TRPA1: variants seen among roughly 807,000 people sequenced by gnomAD.
TRPA1 encodes the protein transient receptor potential cation channel subfamily A member 1.
A neutral mutation model predicts 131.3 loss-of-function variants in TRPA1; 129 were observed. The ratio of observed to expected loss-of-function variants is 0.98; its 90% CI spans 0.85 to 1.14. The LOEUF is 1.14. TRPA1 is among the 50% of genes most tolerant of loss of function. TRPA1 has a pLI of 0.00. For missense variants in TRPA1, 1,304 were observed against 1,354.2 expected (o/e 0.96, Z 0.58); for synonymous variants, 441 against 451.7 (o/e 0.98, Z 0.30).
rs1806067396 is a variant in TRPA1 at position 72,071,772 on chromosome 8, A to G, written c.207T>C (p.Tyr69=). ...CDDMDTFFLH[Y]AAAEGQIELM... is the part of the protein sequence containing the mutation. ...GCTCAATTTGGCCTTCTGCTGCAGC[A>G]TAATGCAAGAAGAAGGTGTCCATAT... Residue 69 remains tyrosine (Y), a synonymous_variant, in exon 2 of 27, where the codon TAT becomes TAC. Transcript: ENST00000262209. 6.2e-6 allele frequency: 10 copies of G among 1,613,754 alleles called. No individual in the cohort carries two copies. Among genetic ancestry groups the G allele is most frequent in the Non-Finnish European group, 5.9e-6 (7 of 1,179,842 alleles).
At chr8:72,036,789 G>A (rs1304959494) in intron 20 of TRPA1, among the ~76,000 whole-genome samples, 2 of 152,120 alleles carry the variant, frequency 1.3e-5, no homozygotes, top group Non-Finnish European at 2.9e-5. Context: ...GTAATTCCTG[G>A]GGCCTTTCTA....
At chr8:72,026,108 T>G (rs535175398) in intron 24 of TRPA1, 35 bp from the exon 25 acceptor site, 1 of 1,529,450 alleles carries the variant, frequency 6.5e-7, no homozygotes, top group Non-Finnish European at 9.1e-7. Context: ...ATAGAATCAT[T>G]AGTTAGTATA....
intron 7 of TRPA1, among the ~76,000 whole-genome samples, chr8:72,059,860 T>C (rs1805766378): frequency 6.6e-6 from 1 of 152,180 alleles, no homozygotes; most frequent in Non-Finnish European, 1.5e-5. Context: ...GGGGGGCTTC[T>C]CTTTGGCAAA....
At position 72,022,136 on chromosome 8, in the gene TRPA1, A is replaced by C. The variant is rs1811415001; in HGVS notation, c.*770T>G. ...AGTAGACATCAAAAGAAAAAAGGGA[A>C]TATGTGATGGAGCCATGTTGTTTTC... On this transcript the variant is annotated 3_prime_UTR_variant, in exon 27 of 27. Coordinates refer to ENST00000262209, the MANE Select transcript of TRPA1 (RefSeq NM_007332.3). 1 of 152,244 alleles carries C rather than the reference A, an allele frequency of 6.6e-6. No homozygotes were observed. The highest frequency in any genetic ancestry group is 2.4e-5 in the African/African-American group (1 of 41,418). 9.4% of individuals were successfully genotyped at this position (152,244 alleles called of 1,614,324 possible).
At chr8:72,057,568 TG>T (rs1805700367) in intron 9 of TRPA1, 148 bp downstream of exon 9, 4 of 714,446 alleles carry the variant, frequency 5.6e-6, no homozygotes, top group Non-Finnish European at 1.0e-5. Flanking sequence ...AAAACTGTTC[TG>T]TTTATTTTTA....
intron 15 of TRPA1, 81 bp from the exon 16 acceptor site, chr8:72,047,288 T>C: frequency 2.0e-6 from 2 of 1,023,326 alleles, no homozygotes; most frequent in South Asian, 2.6e-5. Flanking sequence ...TCTGAAATAA[T>C]ACACAAGACA....
chr8:72,031,376 C>T (rs1315374402), intron 23 of TRPA1, among the ~76,000 whole-genome samples: 1 of 151,364 alleles, frequency 6.6e-6, no homozygotes, highest in Non-Finnish European at 1.5e-5. Context: ...CCTAGGAGTT[C>T]CAGACCAGCC....
At chr8:72,071,371 A>G (rs925818234) in intron 2 of TRPA1, among the ~76,000 whole-genome samples, 24 of 152,298 alleles carry the variant, frequency 1.6e-4, no homozygotes, top group African/African-American at 5.5e-4. Flanking sequence ...TTGAGGTGTC[A>G]ATTTTATTTA....
intron 24 of TRPA1, among the ~76,000 whole-genome samples, chr8:72,027,100 T>C (rs887653874): frequency 6.6e-6 from 1 of 152,196 alleles, no homozygotes; most frequent in African/African-American, 2.4e-5. Context: ...CTAGGGTTCC[T>C]TTTTTCCCCT....
rs372192341 is a variant in TRPA1 at position 72,063,164 on chromosome 8, G to A, written c.662-220C>T. On this transcript the variant is annotated intron_variant, in intron 5 of 26. Coordinates refer to ENST00000262209, the MANE Select transcript of TRPA1 (RefSeq NM_007332.3). The stretch of plus-strand genomic sequence containing the variant: ...TGAGAGGTCATGGTGGGAGGATCAC[G>A]AGGTCAGGAGATCGAGACCAGCCTG... Among the ~76,000 whole-genome samples, 6 of 152,066 alleles carry A rather than the reference G, an allele frequency of 3.9e-5. No individual in the cohort carries two copies. In the South Asian group the frequency reaches 1.2e-3, roughly 32 times the overall value.
At chr8:72,087,528 T>TA in the TRPA1 span, among the ~76,000 whole-genome samples, 3 of 152,098 alleles carry the variant, frequency 2.0e-5, no homozygotes, top group Admixed American at 1.3e-4. Context: ...CTTAAGCTTA[T>TA]CATTCACATT....
upstream of TRPA1, chr8:72,075,730 C>T (rs1196870816): frequency 4.8e-6 from 2 of 414,794 alleles, no homozygotes; most frequent in South Asian, 2.1e-5. Context: ...AAGTGACTCG[C>T]CCGTCCCGCT....
chr8:72,023,377 C>A (rs975008883), intron 26 of TRPA1: 7 of 532,484 alleles, frequency 1.3e-5, no homozygotes, highest in African/African-American at 1.9e-5. Context: ...AAAGGTTAAG[C>A]AGATTGCCCA....
chr8:72,024,025 G>T, intron 25 of TRPA1, 114 bp from the exon 26 acceptor site: 1 of 711,250 alleles, frequency 1.4e-6, no homozygotes. Context: ...GCATAGCTAT[G>T]CCCTCAAGGA....
At chr8:72,069,984 C>T (rs1265264664) in intron 2 of TRPA1, among the ~76,000 whole-genome samples, 1 of 152,124 alleles carries the variant, frequency 6.6e-6, no homozygotes, top group Admixed American at 6.6e-5. Context: ...GAGCTTAAGC[C>T]CCTGATGCCA....
chr8:72,052,995 G>GTGTGTGATAGATAGAGAA (rs71265966), intron 13 of TRPA1: 1 of 351,398 alleles, frequency 2.8e-6, no homozygotes. Flanking sequence ...GTGTGTGTGT[G>GTGTGTGATAGATAGAGAA]AGAGATAGAG....
At chr8:72,033,312 A>C (rs538829435) in intron 23 of TRPA1, among the ~76,000 whole-genome samples, 1 of 152,180 alleles carries the variant, frequency 6.6e-6, no homozygotes, top group Non-Finnish European at 1.5e-5. Flanking sequence ...TATGCTACAC[A>C]GTTATTTATT....
chr8:72,062,166 G>A (rs1456501765), intron 6 of TRPA1: 1 of 203,942 alleles, frequency 4.9e-6, no homozygotes, highest in Non-Finnish European at 1.0e-5. Flanking sequence ...TATAGAAAAA[G>A]TTAAAAGGCA....
Position 72,047,215 on chromosome 8 carries a change from A to G in TRPA1, c.1906-8T>C, listed in dbSNP as rs1445877232. ...GCAGAAATCTAAAAGTACCTTTGAA[A>G]GAGAAAAACCAGCTAAGATATTGGG... On this transcript the variant is annotated splice_polypyrimidine_tract_variant and splice_region_variant and intron_variant, in intron 15 of 26. Transcript: ENST00000262209. 3 of 1,609,574 alleles carry G rather than the reference A, an allele frequency of 1.9e-6. No homozygotes were observed. The highest frequency in any genetic ancestry group is 3.3e-5 in the Admixed American group (2 of 59,856).
Sources: allele counts gnomAD v4.1 joint callset (sites outside exome capture counted in the v4.1 genomes callset), GRCh38; gene constraint gnomAD v4.1.1; transcripts MANE v1.5; gene names NCBI Gene and HGNC (gene_info 2026-07-23, HGNC 2026-07-21).